AXIN2: variants seen among roughly 807,000 people sequenced by gnomAD.
AXIN2 encodes axin-2.
In AXIN2, 21 loss-of-function variants were observed where a neutral mutation model predicts 74.7. The observed-to-expected ratio is 0.28, with a 90% confidence interval of 0.20 to 0.40. The LOEUF is 0.40. Among genes scored for constraint, AXIN2 ranks in the 10% least tolerant of loss-of-function variants. The probability of loss-of-function intolerance (pLI) is 1.00; values close to 1 mark genes in which losing one functional copy is unlikely to be tolerated. For missense variants in AXIN2, 1,144 were observed against 1,111.1 expected (o/e 1.03, Z -0.42); for synonymous variants, 532 against 454.9 (o/e 1.17, Z -2.16).
Position 65,549,673 on chromosome 17 carries a change from T to C in AXIN2, c.816-13A>G. On this transcript the variant is annotated splice_polypyrimidine_tract_variant and intron_variant, in intron 2 of 10. Coordinates refer to ENST00000307078, the MANE Select transcript of AXIN2 (RefSeq NM_004655.4). The stretch of plus-strand genomic sequence containing the variant: ...CCTCTTGAAGGACCTATGGGCAAAG[T>C]ACAAAAGTGGTTCAGTCACTGACCC... The C allele has an allele frequency of 2.5e-6, 4 of 1,589,394 alleles. No homozygotes were observed. Among genetic ancestry groups the C allele is most frequent in the Non-Finnish European group, 3.4e-6 (4 of 1,166,606 alleles).
rs752006477 is a variant in AXIN2 at position 65,557,880 on chromosome 17, C to A, written c.741G>T (p.Val247=). ...ADFKCKLSPT[V]VGLSSKTLRA... ...TCAGAGTTTTGCTGGACAAGCCAAC[C>A]ACGGTTGGCGAAAGTTTGCACTTGA... is the stretch of plus-strand genomic sequence containing the variant. Residue 247 remains valine (V), a synonymous_variant, in exon 2 of 11, where the codon GTG becomes GTT. Coordinates refer to ENST00000307078, the MANE Select transcript of AXIN2 (RefSeq NM_004655.4). The A allele has an allele frequency of 1.2e-6, 2 of 1,614,216 alleles. No individual in the cohort carries two copies. The highest frequency in any genetic ancestry group is 2.2e-5 in the South Asian group (2 of 91,090).
intron 10 of AXIN2, among the ~76,000 whole-genome samples, chr17:65,531,399 C>G (rs1384622969): frequency 1.3e-5 from 2 of 151,228 alleles, no homozygotes; most frequent in Non-Finnish European, 2.9e-5. Flanking sequence ...ACTGAAGACA[C>G]GTCATGTCAA....
chr17:65,560,953 C>T (rs1317657493), intron 1 of AXIN2: 1 of 147,384 alleles, frequency 6.8e-6, no homozygotes, highest in African/African-American at 2.5e-5. Flanking sequence ...CGTCGGGGAA[C>T]ATGGGGAGTC....
At chr17:65,550,966 G>A (rs2044183888) in intron 2 of AXIN2, among the ~76,000 whole-genome samples, 1 of 152,164 alleles carries the variant, frequency 6.6e-6, no homozygotes, top group Admixed American at 6.5e-5. Context: ...TGAGGCCCTT[G>A]GAGTCCAGAA....
At position 65,536,049 on chromosome 17, in the gene AXIN2, G is replaced by T. The variant is rs376144587; in HGVS notation, c.2141+271C>A. On this transcript the variant is annotated intron_variant, in intron 8 of 10. Coordinates refer to ENST00000307078, the MANE Select transcript of AXIN2 (RefSeq NM_004655.4). ...CAATCAAGACATTTGTAAGGAATGG[G>T]ATTTGTAAGCAATTGCTGAAATTCA... 2.0e-5 allele frequency among the ~76,000 whole-genome samples: 3 copies of T among 152,282 alleles called. No individual in the cohort carries two copies. In the South Asian group the frequency reaches 6.2e-4, roughly 32 times the overall value.
Position 65,558,500 on chromosome 17 carries a change from C to G in AXIN2, c.121G>C (p.Gly41Arg). 2 of 1,612,512 alleles carry G rather than the reference C, an allele frequency of 1.2e-6. No individual in the cohort carries two copies. Among genetic ancestry groups the G allele is most frequent in the Non-Finnish European group, 1.7e-6 (2 of 1,178,904 alleles). Residue 41 changes from glycine (G) to arginine (R), a missense_variant, in exon 2 of 11, where the codon GGC becomes CGC. Coordinates refer to ENST00000307078, the MANE Select transcript of AXIN2 (RefSeq NM_004655.4). Reference protein sequence around the residue: ...GETPPCQPGVGKGQVTKPMPV... With the variant: ...GETPPCQPGVRKGQVTKPMPV... ...ATGGGTTTGGTGACCTGGCCCTTGC[C>G]CACCCCTGGCTGACACGGTGGGGTC...
Position 65,536,995 on chromosome 17 carries a change from G to C in AXIN2, c.1781C>G (p.Ala594Gly). ...KGTEPGLALP[A>G]REGGAPGGAG... ...TCCGCCGGGGGCCCCTCCTTCCCTG[G>C]CGGGCAGGGCCAGGCCCGGCTCCGT... Residue 594 changes from alanine to glycine, a missense_variant, in exon 7 of 11, where the codon GCC (alanine) becomes GGC (glycine). By Grantham distance (60) the Ala-to-Gly change is moderately conservative. Coordinates refer to ENST00000307078, the MANE Select transcript of AXIN2 (RefSeq NM_004655.4). 3 of 1,612,378 alleles carry C rather than the reference G, an allele frequency of 1.9e-6. No individual in the cohort carries two copies. The highest frequency in any genetic ancestry group is 2.5e-6 in the Non-Finnish European group (3 of 1,179,872).
In AXIN2 at chr17:65,528,815, C is replaced by T. The variant is rs1254939186; in HGVS notation, c.*1161G>A. 5 of 473,432 alleles carry T rather than the reference C, an allele frequency of 1.1e-5. No individual in the cohort carries two copies. The highest frequency in any genetic ancestry group is 5.8e-5 in the South Asian group (3 of 51,634). The allele number at this position is 473,432 out of a possible 1,614,324, so 29.3% of individuals were successfully genotyped here. ...ATAGGGCGACACACGGAGCGGGTGA[C>T]CGTGCAGGTACAGGTACTGTACTGA... On this transcript the variant is annotated 3_prime_UTR_variant, in exon 11 of 11. Transcript: ENST00000307078.
Position 65,529,652 on chromosome 17 carries a change from A to G in AXIN2, c.*324T>C, listed in dbSNP as rs756802713. On this transcript the variant is annotated 3_prime_UTR_variant, in exon 11 of 11. Transcript: ENST00000307078. ...AGGTAAGCTATACACAGTTTCTCTT[A>G]GTTTATGGATTTCAGATCCCTAGGA... is the stretch of plus-strand genomic sequence containing the variant. 9.0e-6 allele frequency: 4 copies of G among 445,156 alleles called. No homozygotes were observed. Among genetic ancestry groups the G allele is most frequent in the East Asian group, 3.9e-5 (1 of 25,488 alleles). 27.6% of individuals were successfully genotyped at this position (445,156 alleles called of 1,614,324 possible).
chr17:65,538,279 A>C lies in AXIN2; in HGVS notation c.1124T>G (p.Ile375Ser), dbSNP rs770644676. The change falls in exon 5 of 11, where the codon ATC becomes AGC. Residue 375 changes from isoleucine to serine, a missense_variant. Ile to Ser is a moderately radical substitution (Grantham distance 142). Around this residue, in one of 4 missense-constraint regions of AXIN2, gnomAD observed 1,053 missense variants for 973.5 expected, o/e 1.08. Transcript: ENST00000307078. ...VEPATFAAEL[I>S]SRLEKLKLEL... Reference sequence around the variant, plus strand: ...CAGCTTCAGCTTTTCCAGCCTCGAGATCAGCTCAGCTGCAAAGGTGGCGGG... The same window carrying C: ...CAGCTTCAGCTTTTCCAGCCTCGAGCTCAGCTCAGCTGCAAAGGTGGCGGG... 6.2e-7 allele frequency: 1 copy of C among 1,614,152 alleles called. No individual in the cohort carries two copies. The highest frequency in any genetic ancestry group is 8.5e-7 in the Non-Finnish European group (1 of 1,180,026).
chr17:65,533,881 T>A, intron 10 of AXIN2, 31 bp downstream of exon 10: 1 of 1,359,026 alleles, frequency 7.4e-7, no homozygotes, highest in Non-Finnish European at 9.8e-7. Flanking sequence ...GCAAACAAAC[T>A]GAGAGCAGAA....
Position 65,537,032 on chromosome 17 carries a change from T to G in AXIN2, c.1744A>C (p.Asn582His), listed in dbSNP as rs567511335. The stretch of plus-strand genomic sequence containing the variant: ...AGGCCCGGCTCCGTGCCTTTCCCAT[T>G]GCGTTTGGGCAAGGTACTGCCTCTG... The part of the protein sequence containing the change: ...GSRGSTLPKR[N>H]GKGTEPGLAL... The change falls in exon 7 of 11, where the codon AAT becomes CAT. Residue 582 changes from asparagine to histidine, a missense_variant. Asn to His is a moderately conservative substitution (Grantham distance 68). This residue lies in a region of AXIN2 where 1,053 missense variants were observed against 973.5 expected (regional missense o/e 1.08). Coordinates refer to ENST00000307078, the MANE Select transcript of AXIN2 (RefSeq NM_004655.4). The G allele has an allele frequency of 3.0e-5, 48 of 1,609,068 alleles. No individual in the cohort carries two copies. Among genetic ancestry groups the G allele is most frequent in the Non-Finnish European group, 3.9e-5 (46 of 1,179,854 alleles).
rs767683517 is a variant in AXIN2 at position 65,549,496 on chromosome 17, C to T, written c.956+24G>A. The T allele has an allele frequency of 1.3e-5, 21 of 1,611,682 alleles. No individual in the cohort carries two copies. Among genetic ancestry groups the T allele is most frequent in the East Asian group, 2.2e-5 (1 of 44,802 alleles). On this transcript the variant is annotated intron_variant, in intron 3 of 10. Transcript: ENST00000307078. ...TGGCATCCACTCCCAAGCAAGCCCA[C>T]GGAAGGGTGGCCAGGATACTCACAC...
intron 5 of AXIN2, 87 bp downstream of exon 5, chr17:65,538,116 A>C (rs1381371500): frequency 6.3e-7 from 1 of 1,596,876 alleles, no homozygotes; most frequent in Admixed American, 1.7e-5. Context: ...ACATGCGCAC[A>C]CCCTAACGCA....
chr17:65,557,528 T>C (rs569234188), intron 2 of AXIN2, among the ~76,000 whole-genome samples: 1 of 152,146 alleles, frequency 6.6e-6, no homozygotes, highest in Non-Finnish European at 1.5e-5. Context: ...TCTCAACCTC[T>C]TCTGAGACAC....
Position 65,553,198 on chromosome 17 carries a change from C to T in AXIN2, c.816-3538G>A, listed in dbSNP as rs367861937. Among the ~76,000 whole-genome samples the T allele has an allele frequency of 6.2e-4, 95 of 152,328 alleles. 1 individual carries two copies. In the South Asian group the frequency reaches 0.019, roughly 31 times the overall value. On this transcript the variant is annotated intron_variant, in intron 2 of 10. Coordinates refer to ENST00000307078, the MANE Select transcript of AXIN2 (RefSeq NM_004655.4). ...AAGCTCCATGAGGGACAGCCCTGTC[C>T]TCACACGAATCTCCGACGCTGAAAG...
intron 5 of AXIN2, 37 bp from the exon 6 acceptor site, chr17:65,537,872 G>A (rs754835604): frequency 1.2e-5 from 18 of 1,510,990 alleles, no homozygotes; most frequent in African/African-American, 2.8e-5. Flanking sequence ...AGTGACCCAG[G>A]AAGCAGAAGG....
At chr17:65,556,671 AC>A (rs1303544874) in intron 2 of AXIN2, among the ~76,000 whole-genome samples, 6 of 151,990 alleles carry the variant, frequency 3.9e-5, no homozygotes, top group Non-Finnish European at 8.8e-5. Context: ...AGACCTGGCC[AC>A]CCTGAGAGGC....
In AXIN2 at chr17:65,536,515, G is replaced by GC. The variant is rs2043921096; in HGVS notation, c.1945dup (p.Ala649GlyfsTer58). On this transcript the variant is annotated frameshift_variant, in exon 8 of 11. Coordinates refer to ENST00000307078, the MANE Select transcript of AXIN2 (RefSeq NM_004655.4). LOFTEE classifies it high-confidence loss of function. Reference sequence around the variant, plus strand: ...GGCTCGTTCGCCTGGAGACGAGCGGGCAGACTCCAAGGGGTAGGCCTTTTT... The same window carrying GC: ...GGCTCGTTCGCCTGGAGACGAGCGGGCCAGACTCCAAGGGGTAGGCCTTTTT... 6.2e-7 allele frequency: 1 copy of GC among 1,613,740 alleles called. No individual in the cohort carries two copies. The highest frequency in any genetic ancestry group is 1.1e-5 in the South Asian group (1 of 91,094).
Sources: gnomAD v4.1 joint callset for allele counts (sites outside exome capture counted in the v4.1 genomes callset) on GRCh38, gnomAD v4.1.1 for gene constraint, gnomAD v4.1.1 regional missense constraint, MANE v1.5 for transcripts, NCBI Gene and HGNC (gene_info 2026-07-23, HGNC 2026-07-21) for gene names.